NR3C1: variants seen among roughly 807,000 people sequenced by gnomAD.
NR3C1 encodes the protein nuclear receptor subfamily 3 group C member 1.
In NR3C1, 14 loss-of-function variants were observed where a neutral mutation model predicts 74.0. That is an observed-to-expected ratio of 0.19 (90% CI 0.12 to 0.30). The LOEUF (loss-of-function observed/expected upper bound fraction) is 0.30. NR3C1 is among the 10% of genes least tolerant of loss of function. The pLI, the probability that NR3C1 is intolerant of heterozygous loss-of-function variation, is 1.00. For missense variants in NR3C1, 695 were observed against 909.8 expected (o/e 0.76, Z 3.04); for synonymous variants, 308 against 332.5 (o/e 0.93, Z 0.80).
intron 2 of NR3C1, among the ~76,000 whole-genome samples, chr5:143,332,192 CA>C (rs1826100997): frequency 6.6e-6 from 1 of 152,016 alleles, no homozygotes; most frequent in Non-Finnish European, 1.5e-5. Context: ...TGAAAGCTGA[CA>C]AGCATTCAGA....
At chr5:143,396,981 T>C (rs1454773217) in intron 2 of NR3C1, among the ~76,000 whole-genome samples, 1 of 151,926 alleles carries the variant, frequency 6.6e-6, no homozygotes, top group Non-Finnish European at 1.5e-5. Flanking sequence ...TAAGTTAGAA[T>C]GACTAGTTTG....
In NR3C1 at chr5:143,400,800, T is replaced by C. The variant is rs1413592008; in HGVS notation, c.40A>G (p.Asn14Asp). 1 of 1,614,002 alleles carries C rather than the reference T, an allele frequency of 6.2e-7. No individual in the cohort carries two copies. Among genetic ancestry groups the C allele is most frequent in the Non-Finnish European group, 8.5e-7 (1 of 1,180,044 alleles). Residue 14 changes from asparagine to aspartate, a missense_variant, in exon 2 of 9, where the codon AAC (asparagine) becomes GAC (aspartate). Asn to Asp is a conservative substitution (Grantham distance 23). Transcript: ENST00000394464. ...TCCTGAGCAAGCACACTGCTGGGGT[T>C]TTCTTCTCTACCAGGAGTTAATGAT... ...KESLTPGREE[N>D]PSSVLAQERG...
At chr5:143,370,853 T>C (rs1404710817) in intron 2 of NR3C1, among the ~76,000 whole-genome samples, 1 of 152,192 alleles carries the variant, frequency 6.6e-6, no homozygotes, top group Non-Finnish European at 1.5e-5. Flanking sequence ...AAGCAAGATA[T>C]CAGGAACCTA....
chr5:143,312,592 A>G (rs558303145), intron 3 of NR3C1, among the ~76,000 whole-genome samples: 7 of 152,312 alleles, frequency 4.6e-5, no homozygotes, highest in Non-Finnish European at 1.0e-4. Context: ...TCTAGCAGGT[A>G]TTAAGAATGG....
intron 6 of NR3C1, 93 bp from the exon 7 acceptor site, chr5:143,295,683 CAT>C: frequency 9.9e-7 from 1 of 1,008,316 alleles, no homozygotes; most frequent in African/African-American, 1.6e-5. Context: ...ACTATGAACT[CAT>C]AAAGAAAAAC....
At chr5:143,404,480 G>A (rs1178370214), upstream of NR3C1, 2 of 984,870 alleles carry the variant, frequency 2.0e-6, no homozygotes, top group East Asian at 1.1e-4. Context: ...TGGGAGAGAA[G>A]TTGCAAAGCA....
chr5:143,318,350 T>C (rs1822614643), intron 2 of NR3C1, among the ~76,000 whole-genome samples: 1 of 152,194 alleles, frequency 6.6e-6, no homozygotes, highest in Non-Finnish European at 1.5e-5. Flanking sequence ...AAAACTGTTA[T>C]CAATGAACTT....
Position 143,433,394 on chromosome 5 carries a change from A to ATATATATATATAATTTATTTATTTAAAT in NR3C1, c.-14+1110_-14+1137dup, listed in dbSNP as rs750426541. On this transcript the variant is annotated intron_variant, in intron 1 of 8. Coordinates refer to the NR3C1 transcript ENST00000343796. ...GTAGCTGATGGAAACAGCACTAAAT[A>ATATATATATATAATTTATTTATTTAAAT]TATATATATATAATTTATTTATTTA... Among the ~76,000 whole-genome samples, 674 of 140,668 alleles carry ATATATATATATAATTTATTTATTTAAAT rather than the reference A, an allele frequency of 4.8e-3. 7 individuals are homozygous for ATATATATATATAATTTATTTATTTAAAT. The highest frequency in any genetic ancestry group is 0.017 in the African/African-American group (637 of 37,202). 92.3% of individuals were successfully genotyped at this position (140,668 alleles called of 152,430 possible). A position where few individuals can be genotyped will look rare whatever the true frequency, so the allele number is the denominator to read the frequency against.
At chr5:143,306,502 C>G (rs1477830446) in intron 4 of NR3C1, among the ~76,000 whole-genome samples, 1 of 152,162 alleles carries the variant, frequency 6.6e-6, no homozygotes, top group Non-Finnish European at 1.5e-5. Context: ...GATAGTTTTA[C>G]AGTGAAACCA....
intron 3 of NR3C1, among the ~76,000 whole-genome samples, chr5:143,311,788 G>GTTTTTTT (rs34827388): frequency 8.4e-6 from 1 of 119,402 alleles, no homozygotes; most frequent in African/African-American, 3.2e-5. Flanking sequence ...CCTGGATAAC[G>GTTTTTTT]TTTTTTTTTT....
At chr5:143,309,540 C>T (rs545159110) in intron 4 of NR3C1, among the ~76,000 whole-genome samples, 35 of 152,228 alleles carry the variant, frequency 2.3e-4, no homozygotes, top group African/African-American at 5.5e-4. Context: ...TCACAAACTT[C>T]GGGGATTACA....
chr5:143,405,020 C>T, upstream of NR3C1: 4 of 652,476 alleles, frequency 6.1e-6, no homozygotes, highest in Non-Finnish European at 7.6e-6. Flanking sequence ...GAAGGGAACT[C>T]GTGGTCCGTC....
At chr5:143,284,445 A>G (rs1813828176) in intron 7 of NR3C1, among the ~76,000 whole-genome samples, 2 of 138,822 alleles carry the variant, frequency 1.4e-5, no homozygotes, top group East Asian at 1.9e-4. Flanking sequence ...ACGGCATTCT[A>G]TATTAACAAT....
chr5:143,399,272 T>C (rs1307135571), intron 2 of NR3C1, among the ~76,000 whole-genome samples: 5 of 152,220 alleles, frequency 3.3e-5, no homozygotes, highest in Admixed American at 6.5e-5. Context: ...TCATTTATTG[T>C]AATATAAGAA....
At chr5:143,329,751 A>T (rs1825555447) in intron 2 of NR3C1, among the ~76,000 whole-genome samples, 1 of 152,168 alleles carries the variant, frequency 6.6e-6, no homozygotes. Context: ...TTTTTTAAAT[A>T]CCAATACTCA....
At chr5:143,334,869 TATAA>T (rs2151717715) in intron 2 of NR3C1, among the ~76,000 whole-genome samples, 1 of 152,270 alleles carries the variant, frequency 6.6e-6, no homozygotes, top group African/African-American at 2.4e-5. Flanking sequence ...AGCAAAAGGG[TATAA>T]ATAGTTTATA....
intron 2 of NR3C1, among the ~76,000 whole-genome samples, chr5:143,345,202 G>T (rs1829040874): frequency 6.6e-6 from 1 of 152,106 alleles, no homozygotes; most frequent in Non-Finnish European, 1.5e-5. Flanking sequence ...GAAAATGAAT[G>T]AATACAAATT....
intron 2 of NR3C1, among the ~76,000 whole-genome samples, chr5:143,350,051 A>C (rs1829965784): frequency 1.3e-5 from 2 of 152,158 alleles, no homozygotes; most frequent in Admixed American, 1.3e-4. Flanking sequence ...GCCAAGAAAG[A>C]GGGAAGTAAA....
At position 143,280,641 on chromosome 5, in the gene NR3C1, A is replaced by G. The variant is rs1027810113; in HGVS notation, c.*1248T>C. ...GTAGTTTTACAAACATGGATGTCTG[A>G]CATACAGTTCTAAATCACAAAAATC... is the stretch of plus-strand genomic sequence containing the variant. On this transcript the variant is annotated 3_prime_UTR_variant, in exon 9 of 9. Transcript: ENST00000394464. 2.0e-5 allele frequency: 3 copies of G among 151,194 alleles called. No individual in the cohort carries two copies. Among genetic ancestry groups the G allele is most frequent in the Middle Eastern group, 3.6e-3 (1 of 276 alleles). The allele number at this position is 151,194 out of a possible 1,614,324, so 9.4% of individuals were successfully genotyped here.
Sources: allele counts gnomAD v4.1 joint callset (sites outside exome capture counted in the v4.1 genomes callset), GRCh38; gene constraint gnomAD v4.1.1; transcripts MANE v1.5; gene names NCBI Gene and HGNC (gene_info 2026-07-23, HGNC 2026-07-21).